The following LRFN5 variants were observed in gnomAD, a reference collection of about 807,000 sequenced individuals.
LRFN5 encodes leucine rich repeat and fibronectin type III domain containing 5.
LRFN5 carries 24 observed loss-of-function variants against 45.6 expected under a neutral mutation model. That is an observed-to-expected ratio of 0.53 (90% CI 0.38 to 0.74). The LOEUF (loss-of-function observed/expected upper bound fraction) is 0.74. LRFN5 is among the 30% of genes least tolerant of loss of function. LRFN5 has a pLI of 0.00. For synonymous variants in LRFN5, 340 were observed against 313.8 expected, an observed-to-expected ratio of 1.08 and a Z score of -0.88; for missense variants, 776 against 861.5, an observed-to-expected ratio of 0.90 and a Z score of 1.24.
intron 1 of LRFN5, among the ~76,000 whole-genome samples, chr14:41,674,296 C>T (rs1410953037): frequency 2.2e-5 from 3 of 136,502 alleles, no homozygotes; most frequent in Admixed American, 2.1e-4. Context: ...GCGTCCCTCA[C>T]CTCCCGGACG....
chr14:41,894,498 C>A, intron 4 of LRFN5: 1 of 966,444 alleles, frequency 1.0e-6, no homozygotes, highest in Non-Finnish European at 1.2e-6. Context: ...AGGTGAGTAT[C>A]TGGCCTGAGA....
At chr14:41,719,431 C>T (rs941895078) in intron 1 of LRFN5, among the ~76,000 whole-genome samples, 1 of 151,932 alleles carries the variant, frequency 6.6e-6, no homozygotes, top group Non-Finnish European at 1.5e-5. Context: ...ATATGTTATA[C>T]ATATGTATAT....
chr14:41,878,843 CA>C (rs1427921944), intron 2 of LRFN5, among the ~76,000 whole-genome samples: 52 of 152,134 alleles, frequency 3.4e-4, no homozygotes, highest in African/African-American at 1.2e-3. Flanking sequence ...TTTCCATTTA[CA>C]TTGATTTTTT....
At chr14:41,714,748 T>C (rs1436892062) in intron 1 of LRFN5, among the ~76,000 whole-genome samples, 2 of 151,992 alleles carry the variant, frequency 1.3e-5, no homozygotes, top group Non-Finnish European at 2.9e-5. Flanking sequence ...CTACAAATAA[T>C]GTAGAAATTA....
chr14:41,692,329 T>A (rs936224518), intron 1 of LRFN5, among the ~76,000 whole-genome samples: 1 of 152,044 alleles, frequency 6.6e-6, no homozygotes, highest in Admixed American at 6.6e-5. Flanking sequence ...TTTATGTGAG[T>A]CCTTTATAGA....
chr14:41,882,988 A>G (rs1307668589), intron 2 of LRFN5, among the ~76,000 whole-genome samples: 1 of 151,338 alleles, frequency 6.6e-6, no homozygotes, highest in Non-Finnish European at 1.5e-5. Context: ...AACTGGGACT[A>G]CAGTTGCACG....
Position 41,887,354 on chromosome 14 carries a change from T to C in LRFN5, c.729T>C (p.His243=), listed in dbSNP as rs1470667250. The C allele has an allele frequency of 2.5e-6, 4 of 1,614,212 alleles. No homozygotes were observed. The highest frequency in any genetic ancestry group is 3.3e-5 in the Admixed American group (2 of 60,022). ...FALSFGGNPL[H]CNCELLWLRR... is the part of the protein sequence containing the mutation. ...TAAGTTTTGGTGGAAACCCCTTGCA[T>C]TGCAATTGTGAATTGTTGTGGTTGA... is the stretch of plus-strand genomic sequence containing the variant. Residue 243 remains histidine, a synonymous_variant, in exon 3 of 6, where the codon CAT becomes CAC. Transcript: ENST00000298119. This position sits in a 1 kb window ranked among gnomAD's most constrained non-coding sequence, Gnocchi z 4.8.
At chr14:41,885,336 A>G (rs553305321) in intron 2 of LRFN5, among the ~76,000 whole-genome samples, 1,552 of 151,300 alleles carry the variant, frequency 0.01, 26 homozygotes, top group African/African-American at 0.036. Context: ...AAAAAAAAAA[A>G]AAAGAAAGAA....
intron 1 of LRFN5, among the ~76,000 whole-genome samples, chr14:41,764,313 C>T (rs905230453): frequency 5.3e-5 from 8 of 152,058 alleles, no homozygotes; most frequent in Admixed American, 3.3e-4. Flanking sequence ...ATTTTTGTAG[C>T]ACTAAAATAG....
chr14:41,728,743 G>A (rs559582857), intron 1 of LRFN5, among the ~76,000 whole-genome samples: 26 of 152,204 alleles, frequency 1.7e-4, no homozygotes, highest in Admixed American at 4.6e-4. Flanking sequence ...AACATTTTAT[G>A]AGTCTCTTGG....
At chr14:41,750,973 G>A (rs1466131510) in intron 1 of LRFN5, among the ~76,000 whole-genome samples, 2 of 151,832 alleles carry the variant, frequency 1.3e-5, no homozygotes, top group Non-Finnish European at 2.9e-5. Flanking sequence ...CCCTCCCTCA[G>A]CCCCCTACGT....
intron 1 of LRFN5, among the ~76,000 whole-genome samples, chr14:41,762,149 A>C (rs1391234568): frequency 1.3e-5 from 2 of 151,898 alleles, no homozygotes; most frequent in African/African-American, 4.8e-5. Context: ...AAAAAAAAAA[A>C]AAAAACCTTC....
intron 4 of LRFN5, chr14:41,892,906 A>C (rs916705836): frequency 2.6e-5 from 26 of 985,148 alleles, no homozygotes; most frequent in Non-Finnish European, 3.1e-5. Flanking sequence ...AATGAGTTTT[A>C]TGTTGTTCTT....
chr14:41,815,992 T>C (rs768879245), intron 2 of LRFN5, among the ~76,000 whole-genome samples: 2 of 152,144 alleles, frequency 1.3e-5, no homozygotes, highest in Non-Finnish European at 2.9e-5. Flanking sequence ...TAGAGTTTTC[T>C]CTAGAGTGTG....
chr14:41,791,136 T>A (rs2138944025), intron 2 of LRFN5, among the ~76,000 whole-genome samples: 1 of 152,054 alleles, frequency 6.6e-6, no homozygotes, highest in Admixed American at 6.6e-5. Flanking sequence ...ACCCAGATCA[T>A]CTGTATATTT....
intron 1 of LRFN5, among the ~76,000 whole-genome samples, chr14:41,739,204 G>A (rs1008725743): frequency 2.0e-5 from 3 of 152,106 alleles, no homozygotes; most frequent in African/African-American, 4.8e-5. Context: ...TGGGCAACAT[G>A]GCCAAAGCCC....
At chr14:41,681,719 AAGTT>A (rs1484170690) in intron 1 of LRFN5, among the ~76,000 whole-genome samples, 15 of 152,164 alleles carry the variant, frequency 9.9e-5, no homozygotes, top group Admixed American at 4.6e-4. Flanking sequence ...TCACTAGTAA[AAGTT>A]AGTACACAGG....
intron 3 of LRFN5, among the ~76,000 whole-genome samples, chr14:41,889,171 T>A (rs77322336): frequency 0.012 from 1,834 of 151,288 alleles, 12 homozygotes; most frequent in Non-Finnish European, 0.017. Flanking sequence ...GATCAGTTCC[T>A]ATGTACCCAG....
intron 2 of LRFN5, among the ~76,000 whole-genome samples, chr14:41,880,607 G>C (rs1890346316): frequency 6.6e-6 from 1 of 152,050 alleles, no homozygotes; most frequent in Non-Finnish European, 1.5e-5. Flanking sequence ...ATTTATTGAA[G>C]TTGCATTTTA....
Sources: allele counts gnomAD v4.1 joint callset (sites outside exome capture counted in the v4.1 genomes callset), GRCh38; gene constraint gnomAD v4.1.1; non-coding constraint Gnocchi (gnomAD v3.1); transcripts MANE v1.5; gene names NCBI Gene and HGNC (gene_info 2026-07-23, HGNC 2026-07-21).